Variants in RAD54L2 observed in about 807,000 individuals in gnomAD.
RAD54L2 encodes the protein helicase ARIP4.
RAD54L2 carries 27 observed loss-of-function variants against 138.4 expected under a neutral mutation model. The observed-to-expected ratio is 0.20, with a 90% CI of 0.14 to 0.27. The LOEUF (loss-of-function observed/expected upper bound fraction) is 0.27, where lower values mean the gene tolerates loss of function less well. Ranked by LOEUF, RAD54L2 falls within the 10% of genes least tolerant of loss-of-function variation. RAD54L2 has a pLI of 1.00. For missense variants in RAD54L2, 1,396 were observed against 1,890.2 expected, an observed-to-expected ratio of 0.74 and a Z score of 4.85; for synonymous variants, 644 against 723.2, an observed-to-expected ratio of 0.89 and a Z score of 1.76.
intron 2 of RAD54L2, among the ~76,000 whole-genome samples, chr3:51,581,847 A>C (rs1699614036): frequency 6.6e-6 from 1 of 152,010 alleles, no homozygotes; most frequent in South Asian, 2.1e-4. Flanking sequence ...GGGCTGACTT[A>C]GGCTTAGGGA....
chr3:51,568,983 A>G (rs1699276830), intron 2 of RAD54L2, among the ~76,000 whole-genome samples: 1 of 152,198 alleles, frequency 6.6e-6, no homozygotes, highest in South Asian at 2.1e-4. Context: ...GTCCAAACAA[A>G]TGGGGTCAGC....
chr3:51,667,745 C>T lies in RAD54L2; in HGVS notation c.*4325C>T, dbSNP rs1212654949. ...TATTCTGCTGTGATCCCCTTAACGG[C>T]TTTTCTGTGCTACTAGCTTAGCCCT... On this transcript the variant is annotated 3_prime_UTR_variant, in exon 23 of 23. Transcript: ENST00000684192. The T allele has an allele frequency of 6.6e-6, 1 of 152,312 alleles. No homozygotes were observed. The allele number at this position is 152,312 out of a possible 1,614,324, so 9.4% of individuals were successfully genotyped here.
chr3:51,610,351 C>T (rs1320130471), intron 3 of RAD54L2, among the ~76,000 whole-genome samples: 1 of 152,058 alleles, frequency 6.6e-6, no homozygotes, highest in Non-Finnish European at 1.5e-5. Flanking sequence ...CGCCTGTAAT[C>T]CCAGCACTTT....
intron 2 of RAD54L2, among the ~76,000 whole-genome samples, chr3:51,581,414 C>A (rs766102103): frequency 6.6e-6 from 1 of 152,090 alleles, no homozygotes; most frequent in Non-Finnish European, 1.5e-5. Flanking sequence ...TAAAAGGATT[C>A]ATATAGAATT....
chr3:51,643,961 C>A lies in RAD54L2; in HGVS notation c.2437C>A (p.Leu813Ile). Residue 813 changes from leucine to isoleucine, a missense_variant, in exon 16 of 23, where the codon CTT becomes ATT. Transcript: ENST00000684192. ...DPSNLTTWLF[L>I]LSTRAGCLGV... Reference sequence around the variant, plus strand: ...CAGCAACCTCACCACCTGGCTGTTCCTTCTCTCTACAAGGTGAGTGGATCC... The same window carrying A: ...CAGCAACCTCACCACCTGGCTGTTCATTCTCTCTACAAGGTGAGTGGATCC... 1 of 1,600,122 alleles carries A rather than the reference C, an allele frequency of 6.2e-7. No homozygotes were observed.
chr3:51,627,722 T>C lies in RAD54L2; in HGVS notation c.309T>C (p.Ala103=). The change falls in exon 4 of 23, where the codon GCT becomes GCC. Residue 103 remains alanine, a synonymous_variant. Transcript: ENST00000684192. ...CCGAGGACCCCAAAAAGAAGAGAGC[T>C]CAGAAGCCCTCCCACATGAGAAGAA... is the stretch of plus-strand genomic sequence containing the variant. ...LASEDPKKKR[A]QKPSHMRRNI... The C allele has an allele frequency of 9.3e-6, 15 of 1,613,788 alleles. No individual in the cohort carries two copies. The highest frequency in any genetic ancestry group is 1.1e-5 in the Non-Finnish European group (13 of 1,179,844).
In RAD54L2 at chr3:51,637,648, G is replaced by A. The variant is rs1353907020; in HGVS notation, c.1682+145G>A. 3.8e-6 allele frequency: 3 copies of A among 787,586 alleles called. No individual in the cohort carries two copies. Among genetic ancestry groups the A allele is most frequent in the African/African-American group, 1.7e-5 (1 of 57,432 alleles). The allele number at this position is 787,586 out of a possible 1,614,324, so 48.8% of individuals were successfully genotyped here. The stretch of plus-strand genomic sequence containing the variant: ...AGTAAAACTTTGCTTCCTGTGACAA[G>A]CTAGCAGATGGTGGATATCCACTGT... On this transcript the variant is annotated intron_variant, in intron 11 of 22. Transcript: ENST00000684192. The surrounding 1 kb of genome is among the most constrained non-coding windows in gnomAD (Gnocchi z 5.9).
chr3:51,607,013 A>C (rs1473098446), intron 3 of RAD54L2, among the ~76,000 whole-genome samples: 1 of 144,198 alleles, frequency 6.9e-6, no homozygotes, highest in African/African-American at 2.5e-5. Context: ...TATTATTTTA[A>C]TTATTATTAT....
At chr3:51,625,714 T>G (rs1700662435) in intron 3 of RAD54L2, among the ~76,000 whole-genome samples, 1 of 151,784 alleles carries the variant, frequency 6.6e-6, no homozygotes, top group African/African-American at 2.4e-5. Flanking sequence ...AAAAAAAAAT[T>G]AGCTGGGTGT....
At chr3:51,606,131 G>A (rs1700175331) in intron 3 of RAD54L2, among the ~76,000 whole-genome samples, 1 of 152,208 alleles carries the variant, frequency 6.6e-6, no homozygotes, top group African/African-American at 2.4e-5. Context: ...TTGGTGGTCA[G>A]AGAGAAGGCT....
At chr3:51,548,919 C>T (rs992117270) in intron 2 of RAD54L2, among the ~76,000 whole-genome samples, 10 of 150,714 alleles carry the variant, frequency 6.6e-5, no homozygotes, top group Non-Finnish European at 8.9e-5. Context: ...CTCCGCTTCC[C>T]GGGTTCAAAC....
Position 51,552,184 on chromosome 3 carries a change from C to T in RAD54L2, c.-55+10534C>T, listed in dbSNP as rs1698855013. Among the ~76,000 whole-genome samples the T allele has an allele frequency of 6.6e-5, 10 of 152,198 alleles. 1 individual carries two copies. In the South Asian group the frequency reaches 2.1e-3, roughly 32 times the overall value. On this transcript the variant is annotated intron_variant, in intron 2 of 22. Transcript: ENST00000684192. ...AAAGATTGTATCAATTTATATTTCT[C>T]CCCGACACTGAACTTTATCAATATT... is the stretch of plus-strand genomic sequence containing the variant.
intron 3 of RAD54L2, among the ~76,000 whole-genome samples, chr3:51,593,055 C>T (rs1699872986): frequency 6.6e-6 from 1 of 152,040 alleles, no homozygotes; most frequent in Admixed American, 6.6e-5. Flanking sequence ...TGTGATGTGG[C>T]CCTTTTGTTT....
chr3:51,546,661 A>G (rs1698703858), intron 2 of RAD54L2, among the ~76,000 whole-genome samples: 2 of 152,058 alleles, frequency 1.3e-5, no homozygotes, highest in Admixed American at 1.3e-4. Context: ...AACAAAAAAC[A>G]CTGAGGCACT....
Position 51,662,294 on chromosome 3 carries a change from ATGT to A in RAD54L2, c.3410-127_3410-125del. On this transcript the variant is annotated intron_variant, in intron 22 of 22. Transcript: ENST00000684192. The surrounding 1 kb of genome is among the most constrained non-coding windows in gnomAD (Gnocchi z 4.6). ...GTGACTGGAAAAGGTTGACTGGGTG[ATGT>A]TGTTCAGACATCAAACTATTAGAAT... 1 of 750,484 alleles carries A rather than the reference ATGT, an allele frequency of 1.3e-6. No individual in the cohort carries two copies. 46.5% of individuals were successfully genotyped at this position (750,484 alleles called of 1,614,324 possible). A position where few individuals can be genotyped will look rare whatever the true frequency, so the allele number is the denominator to read the frequency against.
intron 3 of RAD54L2, 55 bp from the exon 4 acceptor site, chr3:51,627,498 C>T (rs1700718172): frequency 6.6e-7 from 1 of 1,504,708 alleles, no homozygotes; most frequent in East Asian, 2.5e-5. Context: ...GTCTGTCATC[C>T]AGACTCATTC....
chr3:51,607,260 C>G (rs977195898), intron 3 of RAD54L2, among the ~76,000 whole-genome samples: 7 of 151,544 alleles, frequency 4.6e-5, no homozygotes, highest in African/African-American at 1.7e-4. Flanking sequence ...TGCCGCCTTC[C>G]GCAGTGTTTG....
chr3:51,662,550 G>A lies in RAD54L2; in HGVS notation c.3534G>A (p.Glu1178=), dbSNP rs769028841. 27 of 1,613,732 alleles carry A rather than the reference G, an allele frequency of 1.7e-5. No homozygotes were observed. In the South Asian group the frequency reaches 2.4e-4, roughly 14 times the overall value. Residue 1178 remains glutamate (E), a synonymous_variant, in exon 23 of 23, where the codon GAG becomes GAA. Coordinates refer to ENST00000684192, the MANE Select transcript of RAD54L2 (RefSeq NM_015106.4). The surrounding 1 kb of genome is among the most constrained non-coding windows in gnomAD (Gnocchi z 4.6). The stretch of plus-strand genomic sequence containing the variant: ...CTGACAGCCCAGAGATCATCAGTGA[G>A]CTTCAGCAGTATGCAGATGTGGCTG... ...VSPDSPEIIS[E]LQQYADVAAA...
intron 3 of RAD54L2, among the ~76,000 whole-genome samples, chr3:51,607,470 A>G (rs369071379): frequency 6.6e-6 from 1 of 152,236 alleles, no homozygotes; most frequent in African/African-American, 2.4e-5. Context: ...AACTTTTCCT[A>G]GTACAGAACA....
Sources: gnomAD v4.1 joint callset for allele counts (sites outside exome capture counted in the v4.1 genomes callset) on GRCh38, gnomAD v4.1.1 for gene constraint, Gnocchi (gnomAD v3.1) non-coding constraint, MANE v1.5 for transcripts, NCBI Gene and HGNC (gene_info 2026-07-23, HGNC 2026-07-21) for gene names.